The following CLMN variants were observed in gnomAD, a reference collection of about 807,000 sequenced individuals.
The protein encoded by CLMN is calmin (calponin-like, transmembrane).
Under a neutral mutation model 92.7 loss-of-function variants are expected in CLMN, and 57 were observed. That is an observed-to-expected ratio of 0.61 (90% CI 0.50 to 0.77). CLMN has a LOEUF of 0.77. CLMN is among the 30% of genes least tolerant of loss of function. The pLI, the probability that CLMN is intolerant of heterozygous loss-of-function variation, is 0.00. For synonymous variants in CLMN, 466 were observed against 470.6 expected (o/e 0.99, Z 0.13); for missense variants, 1,158 against 1,237.5 (o/e 0.94, Z 0.96).
At chr14:95,307,745 T>G (rs1901348237) in intron 1 of CLMN, 1 of 152,222 alleles carries the variant, frequency 6.6e-6, no homozygotes, top group Non-Finnish European at 1.5e-5. Flanking sequence ...GAGCCAGCTC[T>G]CCAAGAGAGA....
intron 4 of CLMN, among the ~76,000 whole-genome samples, chr14:95,220,892 G>T (rs1026021563): frequency 2.0e-5 from 3 of 152,200 alleles, no homozygotes; most frequent in Non-Finnish European, 2.9e-5. Context: ...CTCTTCAGGG[G>T]GCTCTGCGGT....
intron 1 of CLMN, among the ~76,000 whole-genome samples, chr14:95,260,238 G>A (rs1345501947): frequency 1.3e-5 from 2 of 152,040 alleles, no homozygotes; most frequent in South Asian, 2.1e-4. Flanking sequence ...TCAGGAGATC[G>A]AGACCATCCT....
chr14:95,211,663 A>C (rs1319488213), intron 6 of CLMN, among the ~76,000 whole-genome samples: 1 of 150,034 alleles, frequency 6.7e-6, no homozygotes, highest in African/African-American at 2.4e-5. Context: ...AAAAAAAAAA[A>C]AAACCAAAAA....
In CLMN at chr14:95,203,056, G is replaced by C; in HGVS notation, c.2293C>G (p.Pro765Ala). The C allele has an allele frequency of 6.2e-7, 1 of 1,614,080 alleles. No homozygotes were observed. Among genetic ancestry groups the C allele is most frequent in the East Asian group, 2.2e-5 (1 of 44,882 alleles). ...TCCTCCTCCCTGGAGTCCAGGTCTGGCATATAGCCCTCTGGCTCTTCGAGA... is the reference window on the plus strand; with the variant it reads ...TCCTCCTCCCTGGAGTCCAGGTCTGCCATATAGCCCTCTGGCTCTTCGAGA... ...MDLEEPEGYM[P>A]DLDSREEEAD... Residue 765 changes from proline to alanine, a missense_variant, in exon 9 of 13, where the codon CCA becomes GCA. Pro to Ala is a conservative substitution (Grantham distance 27, BLOSUM62 -1). Transcript: ENST00000298912.
rs1230865336 is a variant in CLMN at position 95,194,069 on chromosome 14, G to A, written c.2770-150C>T. 45 of 1,459,918 alleles carry A rather than the reference G, an allele frequency of 3.1e-5. No homozygotes were observed. The highest frequency in any genetic ancestry group is 3.8e-5 in the Non-Finnish European group (42 of 1,112,492). The allele number at this position is 1,459,918 out of a possible 1,614,324, so 90.4% of individuals were successfully genotyped here. A position where few individuals can be genotyped will look rare whatever the true frequency, so the allele number is the denominator to read the frequency against. The stretch of plus-strand genomic sequence containing the variant: ...CAGCGTCTAGATCCAAAATCAAAGT[G>A]CTAAACAATATACATTCCTCTACCT... On this transcript the variant is annotated intron_variant, in intron 11 of 12. Coordinates refer to ENST00000298912, the MANE Select transcript of CLMN (RefSeq NM_024734.4). The surrounding 1 kb of genome is among the most constrained non-coding windows in gnomAD (Gnocchi z 4.0).
At chr14:95,255,136 G>A (rs1417370271) in intron 1 of CLMN, among the ~76,000 whole-genome samples, 1 of 152,172 alleles carries the variant, frequency 6.6e-6, no homozygotes, top group Non-Finnish European at 1.5e-5. Context: ...GAGGGGCAGG[G>A]GACGGCCATC....
chr14:95,198,270 G>A (rs556322075), intron 9 of CLMN, among the ~76,000 whole-genome samples: 46 of 151,522 alleles, frequency 3.0e-4, no homozygotes, highest in Non-Finnish European at 5.0e-4. Flanking sequence ...GGCTGGTCTC[G>A]AACTCTTGAC....
intron 1 of CLMN, among the ~76,000 whole-genome samples, chr14:95,244,638 G>A (rs537477514): frequency 3.9e-4 from 60 of 152,302 alleles, no homozygotes; most frequent in Non-Finnish European, 8.2e-4. Context: ...TGTTACTTTT[G>A]TTGAAAGACT....
At chr14:95,232,791 A>G (rs1447835925) in intron 1 of CLMN, among the ~76,000 whole-genome samples, 2 of 151,004 alleles carry the variant, frequency 1.3e-5, no homozygotes, top group South Asian at 4.1e-4. Flanking sequence ...CCACTTTGCA[A>G]TATGGATCCA....
chr14:95,244,107 G>A (rs1898366905), intron 1 of CLMN, among the ~76,000 whole-genome samples: 1 of 152,094 alleles, frequency 6.6e-6, no homozygotes, highest in South Asian at 2.1e-4. Flanking sequence ...AGATTCCTGT[G>A]GCCTCCCCAG....
chr14:95,310,025 G>A (rs1038313217), intron 1 of CLMN, among the ~76,000 whole-genome samples: 8 of 152,182 alleles, frequency 5.3e-5, no homozygotes, highest in Admixed American at 2.6e-4. Flanking sequence ...TTTCTGGCTT[G>A]TAGAGGCCTG....
chr14:95,258,091 G>A (rs1200281951), intron 1 of CLMN, among the ~76,000 whole-genome samples: 1 of 151,808 alleles, frequency 6.6e-6, no homozygotes, highest in Non-Finnish European at 1.5e-5. Flanking sequence ...TGTGGGGTGT[G>A]GGGAATGTGT....
intron 9 of CLMN, 145 bp downstream of exon 9, chr14:95,202,693 G>A: frequency 1.2e-6 from 1 of 845,694 alleles, no homozygotes; most frequent in African/African-American, 1.7e-5. Context: ...CCTCACAGTA[G>A]GTGCCTCTTT....
rs544955399 is a variant in CLMN, at chr14:95,292,827, G to A, written c.82+26884C>T. On this transcript the variant is annotated intron_variant, in intron 1 of 12. Transcript: ENST00000298912. ...GAGGGCGAGATGAAGCTCCAAAAGC[G>A]CAGGCCTGTGAGAGCACGGGTGCCC... Among the ~76,000 whole-genome samples, 34 of 152,248 alleles carry A rather than the reference G, an allele frequency of 2.2e-4. No individual in the cohort carries two copies. The South Asian group carries it at 6.6e-3, about 30-fold the overall frequency.
At chr14:95,223,082 A>G (rs1224089190) in intron 3 of CLMN, among the ~76,000 whole-genome samples, 1 of 152,166 alleles carries the variant, frequency 6.6e-6, no homozygotes, top group Non-Finnish European at 1.5e-5. Flanking sequence ...CTCATGGAAC[A>G]TTTCATCATG....
chr14:95,270,177 A>C (rs1299540170), intron 1 of CLMN, among the ~76,000 whole-genome samples: 1 of 152,222 alleles, frequency 6.6e-6, no homozygotes, highest in Non-Finnish European at 1.5e-5. Flanking sequence ...GGTCCAGTTC[A>C]TGCTGTCTTT....
At chr14:95,278,303 G>A (rs558559901) in intron 1 of CLMN, among the ~76,000 whole-genome samples, 10 of 152,212 alleles carry the variant, frequency 6.6e-5, no homozygotes, top group South Asian at 4.2e-4. Context: ...AATTAAAAAC[G>A]GATATCCAAG....
At chr14:95,319,488 C>A (rs1409450415) in intron 1 of CLMN, among the ~76,000 whole-genome samples, 1 of 152,192 alleles carries the variant, frequency 6.6e-6, no homozygotes, top group Admixed American at 6.5e-5. Context: ...AACACACACA[C>A]GTGTGGCGCC....
chr14:95,274,978 CA>C (rs5810718), intron 1 of CLMN, among the ~76,000 whole-genome samples: 1,340 of 76,348 alleles, frequency 0.018, 11 homozygotes, highest in African/African-American at 0.043. Context: ...CACTCTGTCT[CA>C]AAAAAAAAAA....
Sources: allele counts gnomAD v4.1 joint callset (sites outside exome capture counted in the v4.1 genomes callset), GRCh38; gene constraint gnomAD v4.1.1; non-coding constraint Gnocchi (gnomAD v3.1); transcripts MANE v1.5; gene names NCBI Gene and HGNC (gene_info 2026-07-23, HGNC 2026-07-21).